Variants in DLGAP2 observed in about 807,000 individuals in gnomAD.
DLGAP2 encodes the protein disks large-associated protein 2.
A neutral mutation model predicts 100.3 loss-of-function variants in DLGAP2; 26 were observed. The ratio of observed to expected loss-of-function variants is 0.26; its 90% CI spans 0.19 to 0.36. The LOEUF is 0.36. DLGAP2 is among the 10% of genes least tolerant of loss of function. The pLI, the probability that DLGAP2 is intolerant of heterozygous loss-of-function variation, is 1.00. For missense variants in DLGAP2, 1,858 were observed against 1,453.2 expected (o/e 1.28, Z -4.53); for synonymous variants, 886 against 630.1 (o/e 1.41, Z -6.08).
intron 3 of DLGAP2, among the ~76,000 whole-genome samples, chr8:1,377,569 G>C (rs1282658881): frequency 6.6e-6 from 1 of 152,060 alleles, no homozygotes; most frequent in Non-Finnish European, 1.5e-5. Context: ...ATAAAATAAA[G>C]ATGCACAGGT....
chr8:1,019,411 G>A (rs899572501), intron 2 of DLGAP2: 2 of 152,026 alleles, frequency 1.3e-5, no homozygotes, highest in East Asian at 3.9e-4. Flanking sequence ...GATTTTCACC[G>A]AGAATCGCAC....
At chr8:1,694,333 G>T (rs77843893) in intron 13 of DLGAP2, among the ~76,000 whole-genome samples, 1 of 152,132 alleles carries the variant, frequency 6.6e-6, no homozygotes, top group East Asian at 1.9e-4. Flanking sequence ...AAGTAGCACC[G>T]CTGTCTGCTG....
At chr8:1,391,663 G>A (rs12677155) in intron 3 of DLGAP2, among the ~76,000 whole-genome samples, 36,931 of 152,124 alleles carry the variant, frequency 0.24, 4,861 homozygotes, top group Non-Finnish European at 0.3. Context: ...GTTCATAAAA[G>A]GTTTAGAGGG....
chr8:1,484,487 G>A (rs571238425), intron 3 of DLGAP2, among the ~76,000 whole-genome samples: 6 of 152,322 alleles, frequency 3.9e-5, no homozygotes, highest in South Asian at 2.1e-4. Context: ...GGTGCCCGCC[G>A]ACCCAGGGTC....
chr8:1,241,588 G>T lies in DLGAP2; in HGVS notation c.74-17263G>T, dbSNP rs1158486041. Among the ~76,000 whole-genome samples, 6 of 152,238 alleles carry T rather than the reference G, an allele frequency of 3.9e-5. No individual in the cohort carries two copies. The East Asian group carries it at 7.7e-4, about 20-fold the overall frequency. ...TCCAGTTCTCTCCTGGGTGGAGCCA[G>T]TCAGCTTCTAGAGACTTTTCACTCC... On this transcript the variant is annotated intron_variant, in intron 2 of 14. Transcript: ENST00000637795.
chr8:1,502,047 G>C (rs1206270813), intron 4 of DLGAP2, among the ~76,000 whole-genome samples: 1 of 152,250 alleles, frequency 6.6e-6, no homozygotes, highest in African/African-American at 2.4e-5. Context: ...TTCTGTTAAA[G>C]ATGTGAAATG....
chr8:1,670,956 G>C (rs1156686378), intron 10 of DLGAP2, among the ~76,000 whole-genome samples: 1 of 152,248 alleles, frequency 6.6e-6, no homozygotes, highest in Admixed American at 6.5e-5. Context: ...GCCAGGGCAG[G>C]AGGTGACAGG....
Position 1,668,429 on chromosome 8 carries a change from C to A in DLGAP2, c.1911C>A (p.Ser637=). The change falls in exon 9 of 15, where the codon TCC becomes TCA. Residue 637 remains serine (S), a synonymous_variant. Transcript: ENST00000637795. ...ISVTAQSSTE[S]TQDAYQDSRA... is the part of the protein sequence containing the mutation. ...TGACGGCGCAGAGCAGCACCGAATC[C>A]ACCCAGGACGCCTACCAGGACAGCC... 6.2e-7 allele frequency: 1 copy of A among 1,603,250 alleles called. No individual in the cohort carries two copies. Among genetic ancestry groups the A allele is most frequent in the Non-Finnish European group, 8.5e-7 (1 of 1,175,434 alleles).
chr8:965,562 C>T (rs532901638), intron 2 of DLGAP2, among the ~76,000 whole-genome samples: 63 of 131,954 alleles, frequency 4.8e-4, no homozygotes, highest in African/African-American at 1.8e-3. Flanking sequence ...CTCCTGAGCC[C>T]AACCCCCGCG....
At chr8:973,843 G>T (rs1466460755) in intron 2 of DLGAP2, among the ~76,000 whole-genome samples, 1 of 97,766 alleles carries the variant, frequency 1.0e-5, no homozygotes, top group Non-Finnish European at 2.2e-5. Context: ...GGAGGTCGGG[G>T]CGGGCGGTGG....
intron 4 of DLGAP2, among the ~76,000 whole-genome samples, chr8:1,531,459 C>A (rs183817138): frequency 7.9e-5 from 12 of 151,982 alleles, no homozygotes; most frequent in Admixed American, 4.6e-4. Context: ...TTTTTTTCAG[C>A]TATTTGGTAT....
intron 2 of DLGAP2, among the ~76,000 whole-genome samples, chr8:1,120,522 T>C (rs913985361): frequency 6.6e-6 from 1 of 151,922 alleles, no homozygotes; most frequent in Non-Finnish European, 1.5e-5. Context: ...AACCCACAGC[T>C]ACCCAGCTGC....
chr8:1,427,906 G>A (rs545136398), intron 3 of DLGAP2, among the ~76,000 whole-genome samples: 5 of 152,128 alleles, frequency 3.3e-5, no homozygotes, highest in Admixed American at 6.5e-5. Context: ...ACTTAACAGT[G>A]CCGCAATGAA....
chr8:806,941 G>A (rs555879035), intron 1 of DLGAP2, among the ~76,000 whole-genome samples: 20 of 152,308 alleles, frequency 1.3e-4, no homozygotes, highest in African/African-American at 4.6e-4. Flanking sequence ...TGTGGCTGGG[G>A]TCGTGGACAG....
chr8:1,228,911 A>G (rs1321387434), intron 2 of DLGAP2, among the ~76,000 whole-genome samples: 3 of 152,200 alleles, frequency 2.0e-5, no homozygotes, highest in South Asian at 4.1e-4. Context: ...TCAACATTGT[A>G]CTGGAGGTTC....
chr8:1,509,718 G>C (rs4875868), intron 4 of DLGAP2, among the ~76,000 whole-genome samples: 1 of 152,052 alleles, frequency 6.6e-6, no homozygotes, highest in African/African-American at 2.4e-5. Flanking sequence ...AGAAGGGATC[G>C]TAACCTTCCT....
Position 1,507,437 on chromosome 8 carries a change from G to A in DLGAP2, c.172+6006G>A, listed in dbSNP as rs570183829. On this transcript the variant is annotated intron_variant, in intron 4 of 14. Transcript: ENST00000637795. ...ACTGCCCCGCTGGCGCTGGCCGGCC[G>A]CTCCAAGTGCGGGGCCGCGGAGCCC... Among the ~76,000 whole-genome samples, 137 of 152,284 alleles carry A rather than the reference G, an allele frequency of 9.0e-4. 1 individual carries two copies. The highest frequency in any genetic ancestry group is 3.2e-3 in the African/African-American group (132 of 41,568).
chr8:1,507,579 A>G (rs1799972342), intron 4 of DLGAP2, among the ~76,000 whole-genome samples: 1 of 152,134 alleles, frequency 6.6e-6, no homozygotes, highest in Non-Finnish European at 1.5e-5. Context: ...GGCTGGCTGA[A>G]GGGCTCCTCA....
At chr8:1,107,215 A>T (rs1804804013) in intron 2 of DLGAP2, among the ~76,000 whole-genome samples, 1 of 152,198 alleles carries the variant, frequency 6.6e-6, no homozygotes, top group African/African-American at 2.4e-5. Context: ...CTTTGCTCCA[A>T]GACTTGGTTT....
Sources: gnomAD v4.1 joint callset for allele counts (sites outside exome capture counted in the v4.1 genomes callset) on GRCh38, gnomAD v4.1.1 for gene constraint, MANE v1.5 for transcripts, NCBI Gene and HGNC (gene_info 2026-07-23, HGNC 2026-07-21) for gene names.